The following SEL1L variants were observed in gnomAD, a reference collection of about 807,000 sequenced individuals.
SEL1L encodes protein sel-1 homolog 1.
SEL1L carries 52 observed loss-of-function variants against 109.8 expected under a neutral mutation model. The observed-to-expected ratio is 0.47, with a 90% CI of 0.38 to 0.60. The LOEUF is 0.60. SEL1L is among the 20% of genes least tolerant of loss of function. The pLI is 0.00. For synonymous variants in SEL1L, 373 were observed against 339.6 expected, an observed-to-expected ratio of 1.10 and a Z score of -1.08; for missense variants, 749 against 962.2, an observed-to-expected ratio of 0.78 and a Z score of 2.93.
At position 81,476,009 on chromosome 14, in the gene SEL1L, G is replaced by A. The variant is rs1903147387; in HGVS notation, c.*963C>T. ...TCATATTTAAAGAATTCAGGAAGGT[G>A]ATGTGTTCTTTGTGCAAAAAGAAAT... On this transcript the variant is annotated 3_prime_UTR_variant, in exon 21 of 21. Transcript: ENST00000336735. 1 of 152,162 alleles carries A rather than the reference G, an allele frequency of 6.6e-6. No individual in the cohort carries two copies. Among genetic ancestry groups the A allele is most frequent in the South Asian group, 2.1e-4 (1 of 4,828 alleles). The allele number at this position is 152,162 out of a possible 1,614,324, so 9.4% of individuals were successfully genotyped here.
At chr14:81,501,248 C>T (rs1185942600) in intron 6 of SEL1L, among the ~76,000 whole-genome samples, 1 of 152,144 alleles carries the variant, frequency 6.6e-6, no homozygotes, top group Non-Finnish European at 1.5e-5. Flanking sequence ...AAATAACTCT[C>T]TGTAGTGTTA....
intron 3 of SEL1L, among the ~76,000 whole-genome samples, chr14:81,510,514 C>CTCTATATATATATATATA (rs35474067): frequency 3.2e-4 from 33 of 104,072 alleles, no homozygotes; most frequent in Non-Finnish European, 4.6e-4. Flanking sequence ...CTCTCTCTCT[C>CTCTATATATATATATATA]TATATATATA....
At chr14:81,520,246 G>T (rs535680036) in intron 3 of SEL1L, among the ~76,000 whole-genome samples, 117 of 152,224 alleles carry the variant, frequency 7.7e-4, no homozygotes, top group African/African-American at 2.7e-3. Flanking sequence ...AATCATTATT[G>T]AAAAGTGAAA....
At chr14:81,530,716 T>C (rs900091011) in intron 1 of SEL1L, among the ~76,000 whole-genome samples, 1 of 152,154 alleles carries the variant, frequency 6.6e-6, no homozygotes, top group Non-Finnish European at 1.5e-5. Flanking sequence ...AAAGAGAAAA[T>C]GTTTCTAATA....
At chr14:81,508,036 A>AC (rs1884311465) in intron 3 of SEL1L, among the ~76,000 whole-genome samples, 2 of 152,220 alleles carry the variant, frequency 1.3e-5, no homozygotes, top group African/African-American at 4.8e-5. Context: ...AATACATGTA[A>AC]AGGACTCATT....
rs567169927 is a variant in SEL1L at position 81,495,367 on chromosome 14, G to T, written c.1129-230C>A. The stretch of plus-strand genomic sequence containing the variant: ...CAAAGTACCATTTGCGGCCAGGTGC[G>T]GTGGCTCACGCCTGTAACCTCAACA... On this transcript the variant is annotated intron_variant, in intron 10 of 20. Coordinates refer to ENST00000336735, the MANE Select transcript of SEL1L (RefSeq NM_005065.6). Among the ~76,000 whole-genome samples, 11 of 152,294 alleles carry T rather than the reference G, an allele frequency of 7.2e-5. No homozygotes were observed. The South Asian group carries it at 2.1e-3, about 29-fold the overall frequency.
chr14:81,480,436 G>A (rs10147845), intron 19 of SEL1L, among the ~76,000 whole-genome samples: 2,358 of 152,194 alleles, frequency 0.015, 56 homozygotes, highest in African/African-American at 0.054. Flanking sequence ...TAATCCGCCC[G>A]CCTCAGCCTC....
At position 81,502,774 on chromosome 14, in the gene SEL1L, C is replaced by T. The variant is rs2140018705; in HGVS notation, c.724G>A (p.Ala242Thr). 1.9e-6 allele frequency: 3 copies of T among 1,614,198 alleles called. No individual in the cohort carries two copies. The highest frequency in any genetic ancestry group is 4.5e-5 in the East Asian group (2 of 44,882). ...GTCAGCTTCTCAAACATCTCTCTCG[C>T]TGCCTGGATATTCTGTGGCAAGTAA... is the stretch of plus-strand genomic sequence containing the variant. ...GDYLPQNIQA[A>T]REMFEKLTEE... is the part of the protein sequence containing the mutation. Residue 242 changes from alanine (A) to threonine (T), a missense_variant, in exon 6 of 21, where the codon GCG becomes ACG. Transcript: ENST00000336735.
At chr14:81,522,037 T>A (rs1884927076) in intron 3 of SEL1L, among the ~76,000 whole-genome samples, 1 of 152,116 alleles carries the variant, frequency 6.6e-6, no homozygotes, top group Admixed American at 6.5e-5. Flanking sequence ...AATTTAAAAA[T>A]AGAAAACAGC....
rs927167954 is a variant in SEL1L, at chr14:81,471,759, A to T, written c.*5213T>A. On this transcript the variant is annotated 3_prime_UTR_variant, in exon 21 of 21. Transcript: ENST00000336735. ...AGAGTTCTACTCAAAATATAATACT[A>T]CCAATAAACTACTAGCATAGTGAAT... is the stretch of plus-strand genomic sequence containing the variant. 2 of 152,222 alleles carry T rather than the reference A, an allele frequency of 1.3e-5. No homozygotes were observed. The highest frequency in any genetic ancestry group is 4.1e-4 in the South Asian group (2 of 4,832). 9.4% of individuals were successfully genotyped at this position (152,222 alleles called of 1,614,324 possible).
chr14:81,510,542 G>T (rs1369968109), intron 3 of SEL1L, among the ~76,000 whole-genome samples: 1 of 129,512 alleles, frequency 7.7e-6, no homozygotes, highest in East Asian at 2.5e-4. Flanking sequence ...ACAATTAAAG[G>T]CTAGGGGAAT....
At chr14:81,526,700 T>G in intron 3 of SEL1L, 33 bp downstream of exon 3, 1 of 1,566,024 alleles carries the variant, frequency 6.4e-7, no homozygotes, top group Non-Finnish European at 8.8e-7. Flanking sequence ...GTCCCCTAAA[T>G]AAATCAAAAA....
At chr14:81,505,863 C>T (rs1047159421) in intron 4 of SEL1L, among the ~76,000 whole-genome samples, 2 of 152,194 alleles carry the variant, frequency 1.3e-5, no homozygotes, top group East Asian at 1.9e-4. Flanking sequence ...AAAACCATCT[C>T]TAAATAAAAC....
chr14:81,493,441 T>C (rs1416138268), intron 11 of SEL1L, among the ~76,000 whole-genome samples: 2 of 151,900 alleles, frequency 1.3e-5, no homozygotes, highest in African/African-American at 4.8e-5. Flanking sequence ...ACCCAGGAGG[T>C]GGAGGTTGCA....
chr14:81,492,411 A>T, intron 12 of SEL1L, 69 bp downstream of exon 12: 1 of 1,111,430 alleles, frequency 9.0e-7, no homozygotes, highest in Middle Eastern at 2.0e-4. Flanking sequence ...GTAGATCCTG[A>T]ACACAATACA....
At chr14:81,477,303 ATGTGTGTG>A (rs10690579) in intron 20 of SEL1L, 122 bp from the exon 21 acceptor site, 57 of 541,356 alleles carry the variant, frequency 1.1e-4, no homozygotes, top group South Asian at 2.7e-4. Context: ...ACGTTTTGCA[ATGTGTGTG>A]TGTGTGTGTG....
At chr14:81,531,143 A>G (rs1885307204) in intron 1 of SEL1L, among the ~76,000 whole-genome samples, 1 of 152,206 alleles carries the variant, frequency 6.6e-6, no homozygotes, top group African/African-American at 2.4e-5. Context: ...TATTTTTTAA[A>G]AAGTGTGCTA....
At chr14:81,498,391 G>C in intron 9 of SEL1L, 22 bp downstream of exon 9, 1 of 1,576,400 alleles carries the variant, frequency 6.3e-7, no homozygotes, top group Non-Finnish European at 8.7e-7. Context: ...TTCCTAAAAG[G>C]TAAAAGGGGA....
intron 19 of SEL1L, among the ~76,000 whole-genome samples, chr14:81,480,396 C>T (rs986817703): frequency 2.0e-5 from 3 of 151,958 alleles, no homozygotes; most frequent in African/African-American, 7.3e-5. Context: ...TCACCGTGTT[C>T]GCCAGGATGG....
Sources: gnomAD v4.1 joint callset for allele counts (sites outside exome capture counted in the v4.1 genomes callset) on GRCh38, gnomAD v4.1.1 for gene constraint, MANE v1.5 for transcripts, NCBI Gene and HGNC (gene_info 2026-07-23, HGNC 2026-07-21) for gene names.